Variants in SCHIP1 observed in about 807,000 individuals in gnomAD.
SCHIP1 encodes the protein schwannomin-interacting protein 1.
Under a neutral mutation model 29.7 loss-of-function variants are expected in SCHIP1, and 8 were observed. The ratio of observed to expected loss-of-function variants is 0.27; its 90% CI spans 0.16 to 0.49. SCHIP1 has a LOEUF of 0.49. Ranked by LOEUF, SCHIP1 falls within the 20% of genes least tolerant of loss-of-function variation. The pLI is 0.99. For missense variants in SCHIP1, 193 were observed against 294.6 expected (o/e 0.66, Z 2.52); for synonymous variants, 76 against 94.9 (o/e 0.80, Z 1.16).
the SCHIP1 span, among the ~76,000 whole-genome samples, chr3:159,372,492 AT>A: frequency 4.6e-5 from 7 of 152,096 alleles, no homozygotes; most frequent in Non-Finnish European, 1.0e-4. Flanking sequence ...ATTTTAGAAT[AT>A]TTTTTAAGTG....
chr3:159,559,045 G>A, the SCHIP1 span, among the ~76,000 whole-genome samples: 1 of 152,178 alleles, frequency 6.6e-6, no homozygotes. Flanking sequence ...CTTCAGCTCA[G>A]TGCCATTCCC....
chr3:159,362,967 C>T, the SCHIP1 span, among the ~76,000 whole-genome samples: 1 of 152,178 alleles, frequency 6.6e-6, no homozygotes, highest in African/African-American at 2.4e-5. Context: ...AAGAAAGCTG[C>T]ATGAGCAAGG....
At chr3:159,584,684 C>T in the SCHIP1 span, among the ~76,000 whole-genome samples, 1 of 152,094 alleles carries the variant, frequency 6.6e-6, no homozygotes. Context: ...GTGTGGTCCC[C>T]TAACCAGCAA....
the SCHIP1 span, among the ~76,000 whole-genome samples, chr3:159,463,261 G>A: frequency 1.3e-5 from 2 of 152,034 alleles, no homozygotes; most frequent in Non-Finnish European, 2.9e-5. Flanking sequence ...TTTTAAAAGT[G>A]CATGTATTTG....
chr3:159,405,016 A>G, the SCHIP1 span, among the ~76,000 whole-genome samples: 10 of 152,312 alleles, frequency 6.6e-5, no homozygotes, highest in East Asian at 1.9e-3. Flanking sequence ...TGATTCCTCT[A>G]CATCTTATCC....
the SCHIP1 span, among the ~76,000 whole-genome samples, chr3:159,428,981 G>A: frequency 6.7e-6 from 1 of 150,176 alleles, no homozygotes; most frequent in African/African-American, 2.4e-5. Context: ...TCACTCATAG[G>A]TGGGAATTGA....
chr3:159,572,593 G>C, the SCHIP1 span, among the ~76,000 whole-genome samples: 1 of 152,166 alleles, frequency 6.6e-6, no homozygotes, highest in South Asian at 2.1e-4. Flanking sequence ...TGTATATTCT[G>C]TTTATTTGGG....
At chr3:159,747,345 C>G in the SCHIP1 span, among the ~76,000 whole-genome samples, 13 of 152,140 alleles carry the variant, frequency 8.5e-5, no homozygotes, top group African/African-American at 3.1e-4. Context: ...TCTGTGAGTC[C>G]TTCCTATTTA....
the SCHIP1 span, among the ~76,000 whole-genome samples, chr3:159,352,967 G>A: frequency 5.3e-5 from 8 of 152,222 alleles, no homozygotes; most frequent in African/African-American, 1.7e-4. Context: ...TAGATGATGC[G>A]TTTGGGGGAC....
At chr3:159,321,069 A>G in the SCHIP1 span, among the ~76,000 whole-genome samples, 2 of 152,114 alleles carry the variant, frequency 1.3e-5, no homozygotes, top group African/African-American at 4.8e-5. Flanking sequence ...GGTTCAAGCA[A>G]TTCTCCCAAT....
At chr3:159,474,505 A>G in the SCHIP1 span, among the ~76,000 whole-genome samples, 1 of 152,286 alleles carries the variant, frequency 6.6e-6, no homozygotes, top group East Asian at 1.9e-4. Flanking sequence ...GCATTTCAGA[A>G]AGCTTAATCC....
chr3:159,749,361 T>TAA, the SCHIP1 span, among the ~76,000 whole-genome samples: 1 of 141,696 alleles, frequency 7.1e-6, no homozygotes, highest in African/African-American at 2.6e-5. Flanking sequence ...AAAGAGAATT[T>TAA]AAAAAAAAAA....
At chr3:159,432,993 A>G in the SCHIP1 span, among the ~76,000 whole-genome samples, 1 of 152,192 alleles carries the variant, frequency 6.6e-6, no homozygotes, top group Non-Finnish European at 1.5e-5. Flanking sequence ...TAAAGTAAAA[A>G]GAGCCAGATT....
At chr3:159,288,746 A>G in the SCHIP1 span, among the ~76,000 whole-genome samples, 3 of 152,344 alleles carry the variant, frequency 2.0e-5, no homozygotes, top group Middle Eastern at 3.4e-3. Flanking sequence ...GAAAGAATCA[A>G]TGAAGGTGGA....
the SCHIP1 span, among the ~76,000 whole-genome samples, chr3:159,672,037 T>G: frequency 6.6e-6 from 1 of 152,194 alleles, no homozygotes; most frequent in Non-Finnish European, 1.5e-5. Flanking sequence ...CAGAGCAAGT[T>G]GGGGATAATT....
At chr3:159,372,236 C>G in the SCHIP1 span, among the ~76,000 whole-genome samples, 1 of 151,934 alleles carries the variant, frequency 6.6e-6, no homozygotes, top group Non-Finnish European at 1.5e-5. Context: ...TTAAAATAAG[C>G]CATGCTATAT....
the SCHIP1 span, among the ~76,000 whole-genome samples, chr3:159,504,689 G>C: frequency 6.6e-6 from 1 of 152,028 alleles, no homozygotes; most frequent in Middle Eastern, 3.2e-3. Flanking sequence ...CTGTCACAAG[G>C]ACTAGCTTTA....
the SCHIP1 span, among the ~76,000 whole-genome samples, chr3:159,450,563 T>A: frequency 6.6e-6 from 1 of 152,168 alleles, no homozygotes; most frequent in Non-Finnish European, 1.5e-5. Context: ...ATTTATATAG[T>A]GGTGAAACAG....
chr3:159,435,953 C>T, the SCHIP1 span, among the ~76,000 whole-genome samples: 3 of 152,034 alleles, frequency 2.0e-5, no homozygotes, highest in African/African-American at 7.2e-5. Context: ...GACAGCCAGG[C>T]CAAAGGGAAG....
Sources: allele counts gnomAD v4.1 joint callset (sites outside exome capture counted in the v4.1 genomes callset), GRCh38; gene constraint gnomAD v4.1.1; transcripts MANE v1.5; gene names NCBI Gene and HGNC (gene_info 2026-07-23, HGNC 2026-07-21).